The following MAP3K5 variants were observed in gnomAD, a reference collection of about 807,000 sequenced individuals.
MAP3K5 encodes the protein mitogen-activated protein kinase kinase kinase 5.
Under a neutral mutation model 158.7 loss-of-function variants are expected in MAP3K5, and 56 were observed. That is an observed-to-expected ratio of 0.35 (90% confidence interval 0.28 to 0.44). The LOEUF (loss-of-function observed/expected upper bound fraction) is 0.44. MAP3K5 is among the 20% of genes least tolerant of loss of function. MAP3K5 has a pLI of 1.00. For synonymous variants in MAP3K5, 579 were observed against 601.7 expected, an observed-to-expected ratio of 0.96 and a Z score of 0.55; for missense variants, 1,294 against 1,674.8, an observed-to-expected ratio of 0.77 and a Z score of 3.97.
chr6:136,692,079 C>T (rs562904584), intron 7 of MAP3K5, among the ~76,000 whole-genome samples: 9,794 of 148,624 alleles, frequency 0.066, 539 homozygotes, highest in African/African-American at 0.16. Context: ...TTCTTTTTTT[C>T]TTTTTTTTAA....
chr6:136,570,657 A>G (rs1774321705), intron 25 of MAP3K5, among the ~76,000 whole-genome samples: 1 of 152,186 alleles, frequency 6.6e-6, no homozygotes, highest in African/African-American at 2.4e-5. Flanking sequence ...TGGTTTTAAA[A>G]AGTGCATAAC....
chr6:136,747,284 T>G (rs1384745038), intron 1 of MAP3K5, among the ~76,000 whole-genome samples: 1 of 152,190 alleles, frequency 6.6e-6, no homozygotes, highest in Non-Finnish European at 1.5e-5. Context: ...TTCAGACACT[T>G]AAGAACAGTA....
chr6:136,668,557 C>T lies in MAP3K5; in HGVS notation c.1366+726G>A, dbSNP rs150948851. Among the ~76,000 whole-genome samples, 43 of 152,174 alleles carry T rather than the reference C, an allele frequency of 2.8e-4. 1 individual carries two copies. In the East Asian group the frequency reaches 6.4e-3, roughly 23 times the overall value. On this transcript the variant is annotated intron_variant, in intron 8 of 29. Coordinates refer to ENST00000359015, the MANE Select transcript of MAP3K5 (RefSeq NM_005923.4). ...TGAAAGGAGGTCGTTAGACACCCAACGGAGCAAAATATGATTCCCATAGAC... is the reference window on the plus strand; with the variant it reads ...TGAAAGGAGGTCGTTAGACACCCAATGGAGCAAAATATGATTCCCATAGAC...
At chr6:136,717,053 G>T (rs1051422859) in intron 2 of MAP3K5, among the ~76,000 whole-genome samples, 1 of 151,590 alleles carries the variant, frequency 6.6e-6, no homozygotes, top group African/African-American at 2.4e-5. Context: ...AGCTACTCTG[G>T]AGGCGGAGGT....
intron 1 of MAP3K5, among the ~76,000 whole-genome samples, chr6:136,761,078 A>C (rs534097079): frequency 6.6e-6 from 1 of 152,294 alleles, no homozygotes; most frequent in South Asian, 2.1e-4. Flanking sequence ...TTTATGAGGA[A>C]GTGGGCCCTC....
At chr6:136,699,923 G>A (rs796515883) in intron 3 of MAP3K5, among the ~76,000 whole-genome samples, 17 of 152,122 alleles carry the variant, frequency 1.1e-4, no homozygotes, top group African/African-American at 3.1e-4. Flanking sequence ...GTGAAACCCC[G>A]TCTCTACCAA....
intron 2 of MAP3K5, among the ~76,000 whole-genome samples, chr6:136,713,024 C>T (rs1214864921): frequency 6.6e-6 from 1 of 151,906 alleles, no homozygotes; most frequent in Non-Finnish European, 1.5e-5. Flanking sequence ...AACTAATACA[C>T]ACACATATTT....
At chr6:136,678,642 T>G (rs576458798) in intron 7 of MAP3K5, among the ~76,000 whole-genome samples, 2 of 152,322 alleles carry the variant, frequency 1.3e-5, no homozygotes, top group South Asian at 4.1e-4. Flanking sequence ...AGTGGCTATC[T>G]TTGAGTAACC....
intron 24 of MAP3K5, among the ~76,000 whole-genome samples, chr6:136,581,116 C>T (rs1345680894): frequency 6.6e-6 from 1 of 152,186 alleles, no homozygotes; most frequent in African/African-American, 2.4e-5. Flanking sequence ...AGTAAGTTCC[C>T]ATTTCTCCCT....
In MAP3K5 at chr6:136,717,590, T is replaced by C. The variant is rs536355262; in HGVS notation, c.588+2860A>G. On this transcript the variant is annotated intron_variant, in intron 2 of 29. Coordinates refer to ENST00000359015, the MANE Select transcript of MAP3K5 (RefSeq NM_005923.4). ...TTTCACTTGGCTAATCCTTACATGATATATTATTTTAAATATCTCTTGTTC... is the reference window on the plus strand; with the variant it reads ...TTTCACTTGGCTAATCCTTACATGACATATTATTTTAAATATCTCTTGTTC... Among the ~76,000 whole-genome samples, 30 of 152,346 alleles carry C rather than the reference T, an allele frequency of 2.0e-4. No individual in the cohort carries two copies. In the South Asian group the frequency reaches 3.5e-3, roughly 18 times the overall value.
intron 28 of MAP3K5, 102 bp downstream of exon 28, chr6:136,561,431 T>C: frequency 1.2e-6 from 1 of 800,758 alleles, no homozygotes; most frequent in Non-Finnish European, 2.1e-6. Flanking sequence ...GGGCTGGGTC[T>C]GATTTGCTCA....
chr6:136,701,886 T>G (rs2075595018), intron 3 of MAP3K5, among the ~76,000 whole-genome samples: 1 of 152,220 alleles, frequency 6.6e-6, no homozygotes, highest in Admixed American at 6.5e-5. Flanking sequence ...ACTACATATA[T>G]TAGTTTATCA....
At chr6:136,604,233 A>C (rs975591291) in intron 19 of MAP3K5, among the ~76,000 whole-genome samples, 2 of 151,916 alleles carry the variant, frequency 1.3e-5, no homozygotes, top group Non-Finnish European at 2.9e-5. Flanking sequence ...GAGGCACGAG[A>C]ATTGCTTGAA....
At position 136,585,992 on chromosome 6, in the gene MAP3K5, T is replaced by A. The variant is rs530400726; in HGVS notation, c.3226-2252A>T. 9.8e-5 allele frequency among the ~76,000 whole-genome samples: 15 copies of A among 152,332 alleles called. No individual in the cohort carries two copies. In the South Asian group the frequency reaches 2.9e-3, roughly 29 times the overall value. On this transcript the variant is annotated intron_variant, in intron 23 of 29. Coordinates refer to ENST00000359015, the MANE Select transcript of MAP3K5 (RefSeq NM_005923.4). ...GTGAAAATTATAATTTCTAGGAGTC[T>A]ATTAAAATAAAAAAGAAATGCACCA...
intron 14 of MAP3K5, among the ~76,000 whole-genome samples, chr6:136,623,972 T>C (rs750484809): frequency 9.9e-5 from 15 of 152,154 alleles, no homozygotes; most frequent in Non-Finnish European, 2.2e-4. Context: ...GGCAGGTGCA[T>C]CACCTGAGGT....
chr6:136,705,098 T>G lies in MAP3K5; in HGVS notation c.612+12A>C. On this transcript the variant is annotated intron_variant, in intron 3 of 29. Coordinates refer to ENST00000359015, the MANE Select transcript of MAP3K5 (RefSeq NM_005923.4). ...ATTTTTAAAACTCTGGAAGGTTAAA[T>G]AAAGTACTCACAGTATTCTTCTGGC... 8.5e-7 allele frequency: 1 copy of G among 1,177,654 alleles called. No individual in the cohort carries two copies. Among genetic ancestry groups the G allele is most frequent in the Non-Finnish European group, 1.2e-6 (1 of 832,790 alleles). The allele number at this position is 1,177,654 out of a possible 1,614,324, so 73.0% of individuals were successfully genotyped here.
At chr6:136,715,961 T>G (rs1166039883) in intron 2 of MAP3K5, among the ~76,000 whole-genome samples, 1 of 128,118 alleles carries the variant, frequency 7.8e-6, no homozygotes, top group African/African-American at 3.1e-5. Context: ...ACCCAGGAGG[T>G]GGAGGTTGCA....
chr6:136,587,964 A>G (rs1310380681), intron 23 of MAP3K5, among the ~76,000 whole-genome samples: 1 of 152,228 alleles, frequency 6.6e-6, no homozygotes, highest in East Asian at 1.9e-4. Context: ...ATCCCTGATG[A>G]TGCTATGGTC....
intron 1 of MAP3K5, among the ~76,000 whole-genome samples, chr6:136,753,624 G>T (rs1332215999): frequency 6.6e-6 from 1 of 152,026 alleles, no homozygotes; most frequent in Non-Finnish European, 1.5e-5. Context: ...TCTTGGGTCA[G>T]GTGAAAAAGT....
Sources: gnomAD v4.1 joint callset for allele counts (sites outside exome capture counted in the v4.1 genomes callset) on GRCh38, gnomAD v4.1.1 for gene constraint, MANE v1.5 for transcripts, NCBI Gene and HGNC (gene_info 2026-07-23, HGNC 2026-07-21) for gene names.